Variants in TMX2 observed in about 807,000 individuals in gnomAD.
The protein encoded by TMX2 is thioredoxin related transmembrane protein 2, also known as thioredoxin-related transmembrane protein 2.
A neutral mutation model predicts 33.4 loss-of-function variants in TMX2; 20 were observed. The observed-to-expected ratio is 0.60, with a 90% CI of 0.42 to 0.87. The LOEUF is 0.87. Ranked by LOEUF, TMX2 falls within the 40% of genes least tolerant of loss-of-function variation. The pLI, the probability that TMX2 is intolerant of heterozygous loss-of-function variation, is 0.00. For synonymous variants in TMX2, 166 were observed against 140.7 expected, an observed-to-expected ratio of 1.18 and a Z score of -1.27; for missense variants, 340 against 370.7, an observed-to-expected ratio of 0.92 and a Z score of 0.68.
In TMX2 at chr11:57,740,922, C is replaced by T. The variant is rs1949044307; in HGVS notation, c.*677C>T. On this transcript the variant is annotated 3_prime_UTR_variant, in exon 8 of 8. Coordinates refer to ENST00000278422, the MANE Select transcript of TMX2 (RefSeq NM_015959.4). ...TTTCACTAACCCTCTGACATACTCC[C>T]CACACCCAGTTGATGGCTTTCCGTA... 2.6e-5 allele frequency: 4 copies of T among 152,254 alleles called. No homozygotes were observed. Among genetic ancestry groups the T allele is most frequent in the African/African-American group, 7.2e-5 (3 of 41,446 alleles). 9.4% of individuals were successfully genotyped at this position (152,254 alleles called of 1,614,324 possible). A position where few individuals can be genotyped will look rare whatever the true frequency, so the allele number is the denominator to read the frequency against.
chr11:57,732,871 G>T (rs909828229), intron 1 of TMX2, among the ~76,000 whole-genome samples: 2 of 152,134 alleles, frequency 1.3e-5, no homozygotes, highest in African/African-American at 4.8e-5. Context: ...TAATCATGCG[G>T]TGTCCTTAGG....
At chr11:57,734,327 G>A (rs953108263) in intron 1 of TMX2, among the ~76,000 whole-genome samples, 3 of 152,202 alleles carry the variant, frequency 2.0e-5, no homozygotes, top group Admixed American at 6.5e-5. Context: ...GCTGCAGTAT[G>A]CCTGGGAAGA....
At chr11:57,728,389 G>A (rs1948138955) in intron 1 of TMX2, among the ~76,000 whole-genome samples, 1 of 152,112 alleles carries the variant, frequency 6.6e-6, no homozygotes, top group Non-Finnish European at 1.5e-5. Context: ...TTTGGCAACA[G>A]TAATATGGCT....
intron 1 of TMX2, among the ~76,000 whole-genome samples, chr11:57,731,290 C>T (rs185309234): frequency 1.3e-5 from 2 of 151,552 alleles, no homozygotes; most frequent in Admixed American, 1.3e-4. Flanking sequence ...TGCGCCACTG[C>T]ACCCAGCTAA....
chr11:57,717,731 A>AGGGGAGG (rs1947261953), intron 1 of TMX2, among the ~76,000 whole-genome samples: 1 of 46,322 alleles, frequency 2.2e-5, no homozygotes, highest in Non-Finnish European at 3.8e-5. Context: ...GAGAGGGGAG[A>AGGGGAGG]GGGGAGAGGG....
intron 1 of TMX2, among the ~76,000 whole-genome samples, chr11:57,737,389 A>G (rs1346325778): frequency 6.6e-6 from 1 of 150,974 alleles, no homozygotes; most frequent in Non-Finnish European, 1.5e-5. Context: ...ACTCTGTCTC[A>G]AAAAGAAAAG....
intron 1 of TMX2, among the ~76,000 whole-genome samples, chr11:57,724,611 TAAA>T (rs373663466): frequency 1.2e-4 from 16 of 133,466 alleles, no homozygotes; most frequent in Admixed American, 2.3e-4. Context: ...GTCTGGGGAT[TAAA>T]AAAAAAAAAA....
At chr11:57,721,720 A>G (rs892615660) in intron 1 of TMX2, among the ~76,000 whole-genome samples, 1 of 152,200 alleles carries the variant, frequency 6.6e-6, no homozygotes, top group African/African-American at 2.4e-5. Context: ...ATACCAGATG[A>G]TATAACCCTC....
intron 1 of TMX2, among the ~76,000 whole-genome samples, chr11:57,721,850 G>T (rs1052687878): frequency 6.6e-6 from 1 of 152,070 alleles, no homozygotes. Context: ...ACCAATACGT[G>T]GGGGGCTGCT....
intron 1 of TMX2, among the ~76,000 whole-genome samples, chr11:57,729,231 T>C (rs1948198198): frequency 6.6e-6 from 1 of 152,172 alleles, no homozygotes; most frequent in Non-Finnish European, 1.5e-5. Context: ...CCAGAATTGA[T>C]ATAAAATGGA....
chr11:57,715,714 G>A (rs2135452299), intron 1 of TMX2, among the ~76,000 whole-genome samples: 1 of 151,706 alleles, frequency 6.6e-6, no homozygotes, highest in East Asian at 1.9e-4. Flanking sequence ...GTTTTCCTAG[G>A]CAGAGGACCC....
chr11:57,727,396 T>C (rs912968478), intron 1 of TMX2, among the ~76,000 whole-genome samples: 2 of 152,184 alleles, frequency 1.3e-5, no homozygotes, highest in Admixed American at 6.5e-5. Flanking sequence ...CTGGTGTTTG[T>C]TGGTCTACAC....
At chr11:57,737,707 A>G (rs368600164) in intron 2 of TMX2, 39 bp downstream of exon 2, 21 of 1,598,336 alleles carry the variant, frequency 1.3e-5, no homozygotes, top group Middle Eastern at 1.7e-4. Context: ...GGTTAGATCT[A>G]ATGCCCTTTG....
chr11:57,726,480 C>CTT (rs1395098521), intron 1 of TMX2, among the ~76,000 whole-genome samples: 3 of 147,002 alleles, frequency 2.0e-5, no homozygotes, highest in African/African-American at 7.5e-5. Flanking sequence ...TTATTGTTGG[C>CTT]TTTTTTTTTT....
chr11:57,714,365 T>C (rs1445416438), intron 1 of TMX2, among the ~76,000 whole-genome samples: 1 of 152,196 alleles, frequency 6.6e-6, no homozygotes, highest in Non-Finnish European at 1.5e-5. Context: ...AAGAGAGACA[T>C]TTCTATGGAA....
At chr11:57,716,064 T>C (rs910907258) in intron 1 of TMX2, among the ~76,000 whole-genome samples, 1 of 152,120 alleles carries the variant, frequency 6.6e-6, no homozygotes, top group African/African-American at 2.4e-5. Flanking sequence ...AAACCGCCAT[T>C]GTCATCCCGG....
Position 57,740,169 on chromosome 11 carries a change from A to G in TMX2, c.815A>G (p.Asp272Gly). Reference protein sequence around the residue: ...QRAKKLSKAGDNIPEEQPVAS... With the variant: ...QRAKKLSKAGGNIPEEQPVAS... ...GCCAAGAAACTATCAAAGGCTGGAG[A>G]CAATATCCCTGAGGAGCAGCCTGTG... is the stretch of plus-strand genomic sequence containing the variant. The change falls in exon 8 of 8, where the codon GAC (aspartate) becomes GGC (glycine). Residue 272 changes from aspartate to glycine, a missense_variant. Coordinates refer to ENST00000278422, the MANE Select transcript of TMX2 (RefSeq NM_015959.4). The G allele has an allele frequency of 6.2e-7, 1 of 1,614,014 alleles. No individual in the cohort carries two copies. The highest frequency in any genetic ancestry group is 8.5e-7 in the Non-Finnish European group (1 of 1,179,906).
In TMX2 at chr11:57,740,112, G is replaced by C; in HGVS notation, c.758G>C (p.Arg253Pro). ...SWTFSEENVI[R>P]EFNLNELYQR... is the part of the protein sequence containing the mutation. ...TCTTTTGTGCAGGAGAATGTGATCCGAGAATTTAACTTAAATGAGCTATAC... is the reference window on the plus strand; with the variant it reads ...TCTTTTGTGCAGGAGAATGTGATCCCAGAATTTAACTTAAATGAGCTATAC... Residue 253 changes from arginine (R) to proline (P), a missense_variant, in exon 8 of 8, where the codon CGA (arginine) becomes CCA (proline). Physicochemically the swap from Arg to Pro is moderately radical, Grantham distance 103. Transcript: ENST00000278422. The C allele has an allele frequency of 6.2e-7, 1 of 1,613,920 alleles. No individual in the cohort carries two copies. The highest frequency in any genetic ancestry group is 1.1e-5 in the South Asian group (1 of 91,074).
At chr11:57,719,932 A>G (rs546544125) in intron 1 of TMX2, among the ~76,000 whole-genome samples, 1 of 152,210 alleles carries the variant, frequency 6.6e-6, no homozygotes, top group East Asian at 1.9e-4. Context: ...CACCTTTGAT[A>G]ACCCTTAAAG....
Sources: gnomAD v4.1 joint callset for allele counts (sites outside exome capture counted in the v4.1 genomes callset) on GRCh38, gnomAD v4.1.1 for gene constraint, MANE v1.5 for transcripts, NCBI Gene and HGNC (gene_info 2026-07-23, HGNC 2026-07-21) for gene names.